The following C16orf96 variants were observed in gnomAD, a reference collection of about 807,000 sequenced individuals.
C16orf96 encodes the protein chromosome 16 open reading frame 96.
In C16orf96, 108 loss-of-function variants were observed where a neutral mutation model predicts 103.6. The ratio of observed to expected loss-of-function variants is 1.04; its 90% CI spans 0.89 to 1.22. C16orf96 has a LOEUF of 1.22. Ranked by LOEUF, C16orf96 falls within the 50% of genes most tolerant of loss-of-function variation. The pLI, the probability that C16orf96 is intolerant of heterozygous loss-of-function variation, is 0.00. For missense variants in C16orf96, 1,586 were observed against 1,464.2 expected (o/e 1.08, Z -1.36); for synonymous variants, 566 against 593.5 (o/e 0.95, Z 0.67).
rs79448011 is a variant in C16orf96 at position 4,576,214 on chromosome 16, C to A, written c.1734C>A (p.Tyr578Ter). ...AAIAAAAAAA[Y>*]AAATSSAAQA... is the part of the protein sequence containing the mutation. ...TCGCCGCCGCTGCCGCCGCAGCCTA[C>A]GCCGCTGCCACATCCTCCGCTGCCC... The change falls in exon 5 of 16, where the codon TAC becomes TAA. Residue 578 changes from tyrosine to a stop codon, truncating the protein, a stop_gained. Transcript: ENST00000444310. LOFTEE classifies it high-confidence loss of function. The A allele has an allele frequency of 6.4e-7, 1 of 1,550,678 alleles. No individual in the cohort carries two copies. Among genetic ancestry groups the A allele is most frequent in the Non-Finnish European group, 8.7e-7 (1 of 1,146,982 alleles).
intron 11 of C16orf96, among the ~76,000 whole-genome samples, chr16:4,592,971 A>T (rs756603177): frequency 2.6e-5 from 4 of 152,190 alleles, no homozygotes; most frequent in Non-Finnish European, 5.9e-5. Context: ...CACCGCGCCT[A>T]GCCTGGTTTT....
chr16:4,555,867 C>G (rs1299732823), upstream of C16orf96, among the ~76,000 whole-genome samples: 1 of 151,578 alleles, frequency 6.6e-6, no homozygotes, highest in African/African-American at 2.4e-5. Flanking sequence ...CAGCTAATTA[C>G]AAATTTTTTT....
At chr16:4,541,202 G>A in the C16orf96 span, among the ~76,000 whole-genome samples, 3 of 152,138 alleles carry the variant, frequency 2.0e-5, no homozygotes, top group East Asian at 1.9e-4. Flanking sequence ...GTGAGCCACC[G>A]CGCCCGGCCT....
chr16:4,580,200 G>A (rs1300759339), intron 7 of C16orf96, 75 bp downstream of exon 7: 10 of 1,216,606 alleles, frequency 8.2e-6, no homozygotes, highest in Middle Eastern at 2.1e-4. Context: ...GGCCCTTCCC[G>A]AAGGTTCTGC....
chr16:4,564,710 C>G (rs995422437), intron 1 of C16orf96, among the ~76,000 whole-genome samples: 3 of 152,154 alleles, frequency 2.0e-5, no homozygotes, highest in Non-Finnish European at 4.4e-5. Context: ...ACTCGAGAGG[C>G]TGAGGCACGA....
At chr16:4,567,380 TTCACGCCATTCTCCTGCC>T (rs1356259658) in intron 1 of C16orf96, among the ~76,000 whole-genome samples, 1 of 150,114 alleles carries the variant, frequency 6.7e-6, no homozygotes, top group Non-Finnish European at 1.5e-5. Flanking sequence ...GACTCCTGGG[TTCACGCCATTCTCCTGCC>T]TCAGCCTCCC....
At chr16:4,563,655 G>A (rs1215237154) in intron 1 of C16orf96, among the ~76,000 whole-genome samples, 1 of 152,068 alleles carries the variant, frequency 6.6e-6, no homozygotes, top group Non-Finnish European at 1.5e-5. Flanking sequence ...TGCAGCCTCT[G>A]CCTCCTGGGT....
chr16:4,577,156 G>T (rs953409218), intron 5 of C16orf96, among the ~76,000 whole-genome samples: 3 of 151,430 alleles, frequency 2.0e-5, no homozygotes, highest in Non-Finnish European at 4.4e-5. Flanking sequence ...ATGCCATTGC[G>T]CTCCAGCCTG....
the C16orf96 span, among the ~76,000 whole-genome samples, chr16:4,543,062 C>A: frequency 6.6e-6 from 1 of 152,184 alleles, no homozygotes; most frequent in Non-Finnish European, 1.5e-5. Context: ...AAAGCGCACA[C>A]AGTCCAGCAC....
At chr16:4,550,037 C>T in the C16orf96 span, among the ~76,000 whole-genome samples, 2 of 151,780 alleles carry the variant, frequency 1.3e-5, no homozygotes, top group Admixed American at 6.6e-5. Flanking sequence ...CTCACTTTGC[C>T]TGTTTCTGTA....
Position 4,594,743 on chromosome 16 carries a change from A to G in C16orf96, c.3067A>G (p.Lys1023Glu). Residue 1023 changes from lysine to glutamate, a missense_variant, in exon 14 of 16, where the codon AAA (lysine) becomes GAA (glutamate). Coordinates refer to ENST00000444310, the MANE Select transcript of C16orf96 (RefSeq NM_001145011.2). ...CCTGGGCGTGGATGGGATCCTGTACAAAGGCCGCGTGAACAGCCAGCGTGG... is the reference window on the plus strand; with the variant it reads ...CCTGGGCGTGGATGGGATCCTGTACGAAGGCCGCGTGAACAGCCAGCGTGG... ...DILGVDGILY[K>E]GRVNSQRGAQ... The G allele has an allele frequency of 1.3e-6, 2 of 1,551,256 alleles. No homozygotes were observed. The highest frequency in any genetic ancestry group is 1.7e-6 in the Non-Finnish European group (2 of 1,146,920).
Position 4,600,328 on chromosome 16 carries a change from G to A in C16orf96, c.*11G>A, listed in dbSNP as rs544684316. 9.0e-5 allele frequency: 133 copies of A among 1,478,944 alleles called. No individual in the cohort carries two copies. The East Asian group carries it at 1.7e-3, about 19-fold the overall frequency. 91.6% of individuals were successfully genotyped at this position (1,478,944 alleles called of 1,614,324 possible). ...CCCGCCAACCCGTGAGCCCCACCCC[G>A]CTGCGCCCCCCATCGCCAAGTCCCC... is the stretch of plus-strand genomic sequence containing the variant. On this transcript the variant is annotated 3_prime_UTR_variant, in exon 16 of 16. Transcript: ENST00000444310.
rs182211274 is a variant in C16orf96, at chr16:4,594,410, G to C, written c.2927G>C (p.Trp976Ser). 1,216 of 1,551,418 alleles carry C rather than the reference G, an allele frequency of 7.8e-4. 10 individuals are homozygous for C. The African/African-American group carries it at 0.014, about 17-fold the overall frequency. ...ATCCAGGAGGATTGTCAGCAGGACT[G>C]GGGTGATGGCCCCCAAAACGCCACC... ...LGIQEDCQQD[W>S]GDGPQNATSL... Residue 976 changes from tryptophan (W) to serine (S), a missense_variant, in exon 13 of 16, where the codon TGG becomes TCG. Physicochemically the swap from Trp to Ser is radical, Grantham distance 177 (BLOSUM62 -3). Transcript: ENST00000444310.
chr16:4,599,259 C>G, intron 14 of C16orf96, 25 bp from the exon 15 acceptor site: 1 of 1,548,692 alleles, frequency 6.5e-7, no homozygotes, highest in Non-Finnish European at 8.7e-7. Context: ...GCCACCCACA[C>G]CTGTCTCTTT....
At position 4,594,750 on chromosome 16, in the gene C16orf96, G is replaced by A. The variant is rs574243375; in HGVS notation, c.3074G>A (p.Arg1025His). 2.3e-5 allele frequency: 35 copies of A among 1,551,158 alleles called. No individual in the cohort carries two copies. The highest frequency in any genetic ancestry group is 2.0e-4 in the Admixed American group (10 of 51,006). Residue 1025 changes from arginine to histidine, a missense_variant, in exon 14 of 16, where the codon CGC (arginine) becomes CAC (histidine). Coordinates refer to ENST00000444310, the MANE Select transcript of C16orf96 (RefSeq NM_001145011.2). The stretch of plus-strand genomic sequence containing the variant: ...GTGGATGGGATCCTGTACAAAGGCC[G>A]CGTGAACAGCCAGCGTGGGGCTCAG... ...LGVDGILYKG[R>H]VNSQRGAQPL...
chr16:4,540,908 T>C, the C16orf96 span, among the ~76,000 whole-genome samples: 1 of 150,414 alleles, frequency 6.6e-6, no homozygotes, highest in Non-Finnish European at 1.5e-5. Flanking sequence ...CATACCTGTC[T>C]GCAGTTTGGA....
At position 4,587,763 on chromosome 16, in the gene C16orf96, C is replaced by T. The variant is rs112721217; in HGVS notation, c.2428-404C>T. 2.1e-3 allele frequency among the ~76,000 whole-genome samples: 324 copies of T among 151,998 alleles called. 1 individual carries two copies. Among genetic ancestry groups the T allele is most frequent in the South Asian group, 6.5e-3 (31 of 4,802 alleles). On this transcript the variant is annotated intron_variant, in intron 8 of 15. Transcript: ENST00000444310. Reference sequence around the variant, plus strand: ...CAGCCTGGGAAACATAGGAAGATCACATCTCTACAAAAAAATAAAAAAATG... The same window carrying T: ...CAGCCTGGGAAACATAGGAAGATCATATCTCTACAAAAAAATAAAAAAATG...
intron 7 of C16orf96, among the ~76,000 whole-genome samples, chr16:4,581,737 T>G (rs889241079): frequency 5.9e-5 from 9 of 152,132 alleles, no homozygotes; most frequent in Admixed American, 5.9e-4. Flanking sequence ...GAGGGAGGAT[T>G]GCTTGAGGCC....
At position 4,556,606 on chromosome 16, in the gene C16orf96, G is replaced by A; in HGVS notation, c.117G>A (p.Met39Ile). Residue 39 changes from methionine to isoleucine, a missense_variant, in exon 1 of 16, where the codon ATG (methionine) becomes ATA (isoleucine). Physicochemically the swap from Met to Ile is conservative, Grantham distance 10. Transcript: ENST00000444310. ...ACGGCATCTTGGAGCACATCCACAT[G>A]GCCGAGCTCAAGAAAGTCCTCTCAG... ...LLHGILEHIH[M>I]AELKKVLSGD... is the part of the protein sequence containing the mutation. 6.4e-7 allele frequency: 1 copy of A among 1,551,726 alleles called. No homozygotes were observed. Among genetic ancestry groups the A allele is most frequent in the African/African-American group, 1.4e-5 (1 of 73,160 alleles).
Sources: allele counts gnomAD v4.1 joint callset (sites outside exome capture counted in the v4.1 genomes callset), GRCh38; gene constraint gnomAD v4.1.1; transcripts MANE v1.5; gene names NCBI Gene and HGNC (gene_info 2026-07-23, HGNC 2026-07-21).